Variants in AOAH observed in about 807,000 individuals in gnomAD.
The protein encoded by AOAH is acyloxyacyl hydrolase (neutrophil).
In AOAH, 64 loss-of-function variants were observed where a neutral mutation model predicts 92.2. The observed-to-expected ratio is 0.69, with a 90% CI of 0.57 to 0.86. The LOEUF (loss-of-function observed/expected upper bound fraction) is 0.86, where lower values mean the gene tolerates loss of function less well. AOAH is among the 40% of genes least tolerant of loss of function. The probability of loss-of-function intolerance (pLI) is 0.00; values close to 1 mark genes in which losing one functional copy is unlikely to be tolerated. For synonymous variants in AOAH, 263 were observed against 254.5 expected, an observed-to-expected ratio of 1.03 and a Z score of -0.32; for missense variants, 656 against 694.6, an observed-to-expected ratio of 0.94 and a Z score of 0.62.
At chr7:36,543,175 A>G (rs1785538500) in intron 15 of AOAH, among the ~76,000 whole-genome samples, 1 of 152,194 alleles carries the variant, frequency 6.6e-6, no homozygotes, top group African/African-American at 2.4e-5. Context: ...CACTATTTTA[A>G]AAATAAAAAT....
chr7:36,581,086 G>T (rs947660905), intron 12 of AOAH, among the ~76,000 whole-genome samples: 4 of 152,252 alleles, frequency 2.6e-5, no homozygotes, highest in Admixed American at 2.0e-4. Flanking sequence ...GTTGGAAGGG[G>T]TCTGAGGAGC....
chr7:36,578,631 C>T (rs1340516667), intron 12 of AOAH, among the ~76,000 whole-genome samples: 3 of 152,164 alleles, frequency 2.0e-5, no homozygotes, highest in African/African-American at 7.2e-5. Context: ...ACTTTTAAGG[C>T]TACTTCTTGA....
At chr7:36,555,203 G>A (rs1303362999) in intron 13 of AOAH, among the ~76,000 whole-genome samples, 5 of 151,582 alleles carry the variant, frequency 3.3e-5, no homozygotes, top group Admixed American at 6.6e-5. Flanking sequence ...AAGGGTTGTT[G>A]AATTTTGTCA....
At chr7:36,691,140 G>A (rs944033437) in intron 1 of AOAH, among the ~76,000 whole-genome samples, 3 of 152,042 alleles carry the variant, frequency 2.0e-5, no homozygotes, top group Admixed American at 6.5e-5. Flanking sequence ...TGTACCTTAC[G>A]GTTTTCAAAA....
chr7:36,555,978 TTTCC>T (rs1279837373), intron 13 of AOAH, among the ~76,000 whole-genome samples: 1 of 152,186 alleles, frequency 6.6e-6, no homozygotes, highest in Non-Finnish European at 1.5e-5. Flanking sequence ...TGTGTCTCTA[TTTCC>T]TTCAGTTCTG....
intron 1 of AOAH, among the ~76,000 whole-genome samples, chr7:36,711,958 G>C (rs560746910): frequency 4.6e-5 from 7 of 152,296 alleles, no homozygotes; most frequent in Non-Finnish European, 1.0e-4. Flanking sequence ...ACAGAGGAGG[G>C]AAGGAAGAGG....
intron 1 of AOAH, among the ~76,000 whole-genome samples, chr7:36,717,590 G>A (rs774235390): frequency 2.7e-5 from 4 of 149,952 alleles, no homozygotes; most frequent in East Asian, 1.9e-4. Flanking sequence ...GCGAGGCACC[G>A]GGAGAGAGAA....
Position 36,632,121 on chromosome 7 carries a change from A to AAAAAC in AOAH, c.451-20_451-16dup, listed in dbSNP as rs907225588. The AAAAAC allele has an allele frequency of 5.6e-6, 9 of 1,599,628 alleles. No individual in the cohort carries two copies. Among genetic ancestry groups the AAAAAC allele is most frequent in the Non-Finnish European group, 7.7e-6 (9 of 1,173,880 alleles). On this transcript the variant is annotated splice_polypyrimidine_tract_variant and intron_variant, in intron 5 of 20. Transcript: ENST00000617537. The stretch of plus-strand genomic sequence containing the variant: ...CTAGAATATTTCTGGGGAGAAAAAA[A>AAAAAC]AAAACAAAAAGAGAGTTGTTTAGTT...
chr7:36,634,659 A>AAAT (rs1358035824), intron 5 of AOAH, among the ~76,000 whole-genome samples: 1 of 152,168 alleles, frequency 6.6e-6, no homozygotes, highest in African/African-American at 2.4e-5. Flanking sequence ...AGCACTTCGG[A>AAAT]AATACAGACA....
intron 1 of AOAH, among the ~76,000 whole-genome samples, chr7:36,707,592 TA>T (rs1798506581): frequency 6.6e-6 from 1 of 152,122 alleles, no homozygotes; most frequent in Non-Finnish European, 1.5e-5. Flanking sequence ...TGAAGCACAA[TA>T]AAAAGAAGTG....
At chr7:36,649,661 C>T (rs754661487) in intron 4 of AOAH, among the ~76,000 whole-genome samples, 1 of 152,164 alleles carries the variant, frequency 6.6e-6, no homozygotes, top group Non-Finnish European at 1.5e-5. Context: ...GGGTCCCCTC[C>T]CATTGTTTGG....
intron 12 of AOAH, among the ~76,000 whole-genome samples, chr7:36,577,661 T>C (rs1328761794): frequency 6.6e-6 from 1 of 152,226 alleles, no homozygotes; most frequent in African/African-American, 2.4e-5. Flanking sequence ...TCATTTTCTT[T>C]CGCTTAATAT....
At chr7:36,552,679 T>G (rs139151921) in intron 13 of AOAH, among the ~76,000 whole-genome samples, 38 of 152,320 alleles carry the variant, frequency 2.5e-4, no homozygotes, top group African/African-American at 8.9e-4. Flanking sequence ...CTTGACTTTT[T>G]AATAATCGCT....
At position 36,724,231 on chromosome 7, in the gene AOAH, T is replaced by C; in HGVS notation, c.-83A>G. 13 of 1,531,570 alleles carry C rather than the reference T, an allele frequency of 8.5e-6. No individual in the cohort carries two copies. Among genetic ancestry groups the C allele is most frequent in the Non-Finnish European group, 1.2e-5 (13 of 1,114,844 alleles). 94.9% of individuals were successfully genotyped at this position (1,531,570 alleles called of 1,614,324 possible). A position where few individuals can be genotyped will look rare whatever the true frequency, so the allele number is the denominator to read the frequency against. On this transcript the variant is annotated 5_prime_UTR_variant, in exon 1 of 21. Transcript: ENST00000617537. Reference sequence around the variant, plus strand: ...GCTGGAGCTGAGGCTGCAGAATCAATTGATCTCTCTCTCCTTCTCTTCCTC... The same window carrying C: ...GCTGGAGCTGAGGCTGCAGAATCAACTGATCTCTCTCTCCTTCTCTTCCTC...
chr7:36,626,074 C>T (rs1792640366), intron 6 of AOAH, among the ~76,000 whole-genome samples: 1 of 152,162 alleles, frequency 6.6e-6, no homozygotes, highest in African/African-American at 2.4e-5. Context: ...AGGCAGTTTT[C>T]CCCATGTATG....
intron 20 of AOAH, among the ~76,000 whole-genome samples, chr7:36,519,363 G>A (rs1783992024): frequency 6.6e-6 from 1 of 152,226 alleles, no homozygotes; most frequent in South Asian, 2.1e-4. Flanking sequence ...AATACTTCCT[G>A]AAACCCCTCT....
At chr7:36,623,783 T>C (rs1028428380) in intron 6 of AOAH, among the ~76,000 whole-genome samples, 2 of 152,194 alleles carry the variant, frequency 1.3e-5, no homozygotes, top group African/African-American at 4.8e-5. Flanking sequence ...GCCAAAGCCA[T>C]GGACATCCCA....
chr7:36,638,199 A>G (rs1793654118), intron 4 of AOAH, among the ~76,000 whole-genome samples: 1 of 152,216 alleles, frequency 6.6e-6, no homozygotes, highest in African/African-American at 2.4e-5. Context: ...ACCGAGATGC[A>G]GAAAAGCTAA....
At chr7:36,712,892 G>A (rs1468332258) in intron 1 of AOAH, among the ~76,000 whole-genome samples, 2 of 152,182 alleles carry the variant, frequency 1.3e-5, no homozygotes, top group Non-Finnish European at 1.5e-5. Flanking sequence ...AAATTTTAAA[G>A]AGCATCGAGG....
Sources: allele counts gnomAD v4.1 joint callset (sites outside exome capture counted in the v4.1 genomes callset), GRCh38; gene constraint gnomAD v4.1.1; transcripts MANE v1.5; gene names NCBI Gene and HGNC (gene_info 2026-07-23, HGNC 2026-07-21).